F8: variants seen among roughly 807,000 people sequenced by gnomAD.
F8 encodes the protein antihemophilic factor.
F8 carries 12 observed loss-of-function variants against 140.6 expected under a neutral mutation model. The observed-to-expected ratio is 0.09, with a 90% confidence interval of 0.05 to 0.14. F8 has a LOEUF of 0.14. F8 is among the 10% of genes least tolerant of loss of function. The pLI, the probability that F8 is intolerant of heterozygous loss-of-function variation, is 1.00. For synonymous variants in F8, 585 were observed against 614.6 expected (o/e 0.95, Z 0.71); for missense variants, 1,354 against 1,720.7 (o/e 0.79, Z 3.77).
intron 14 of F8, among the ~76,000 whole-genome samples, chrX:154,926,682 G>T (rs1411577086): frequency 8.9e-6 from 1 of 111,874 alleles, no homozygotes; most frequent in African/African-American, 3.3e-5. Flanking sequence ...GGCCAGGAAT[G>T]GTTTTTGATT....
At chrX:154,957,696 G>A (rs1388420744) in intron 10 of F8, among the ~76,000 whole-genome samples, 1 of 109,994 alleles carries the variant, frequency 9.1e-6, no homozygotes, top group African/African-American at 3.3e-5. Flanking sequence ...GACCAGCCTG[G>A]TCAACATGGT....
At chrX:154,895,732 GC>G (rs2072975237) in intron 22 of F8, among the ~76,000 whole-genome samples, 1 of 111,361 alleles carries the variant, frequency 9.0e-6, no homozygotes, top group South Asian at 3.8e-4. Flanking sequence ...CCATGGTTTT[GC>G]CCCCTAAACT....
chrX:154,929,632 C>T lies in F8; in HGVS notation c.4158G>A (p.Gln1386=). 8.3e-7 allele frequency: 1 copy of T among 1,210,181 alleles called. No individual in the cohort carries two copies. The highest frequency in any genetic ancestry group is 1.1e-6 in the Non-Finnish European group (1 of 894,369). ...TCGTAAGGCAATCTGATAAGGGAGA[C>T]TGAGTAATGGCCCCTTTCTCCTTCT... is the stretch of plus-strand genomic sequence containing the variant. ...YNEKEKGAIT[Q]SPLSDCLTRS... Residue 1386 remains glutamine (Q), a synonymous_variant, in exon 14 of 26, where the codon CAG becomes CAA. Transcript: ENST00000360256.
chrX:154,873,228 CTTTTTTT>C (rs1190861463), intron 22 of F8, among the ~76,000 whole-genome samples: 4 of 96,914 alleles, frequency 4.1e-5, no homozygotes, highest in African/African-American at 1.5e-4. Flanking sequence ...GCAAAGCAAT[CTTTTTTT>C]TTTTTTTTTG....
At position 154,904,893 on chromosome X, in the gene F8, A is replaced by G; in HGVS notation, c.5504T>C (p.Phe1835Ser). The G allele has an allele frequency of 8.3e-7, 1 of 1,210,889 alleles. No individual in the cohort carries two copies. The highest frequency in any genetic ancestry group is 1.1e-6 in the Non-Finnish European group (1 of 895,048). The change falls in exon 16 of 26, where the codon TTT becomes TCT. Residue 1835 changes from phenylalanine (F) to serine (S), a missense_variant. Phe to Ser is a radical substitution (Grantham distance 155). Coordinates refer to ENST00000360256, the MANE Select transcript of F8 (RefSeq NM_000132.4). Reference sequence around the variant, plus strand: ...TGCCATATGATGTTGCACTTTCCAAAAGTAAGTTTTGGTTTCATTAGGCTT... The same window carrying G: ...TGCCATATGATGTTGCACTTTCCAAGAGTAAGTTTTGGTTTCATTAGGCTT... ...FVKPNETKTY[F>S]WKVQHHMAPT...
At chrX:154,858,086 C>G (rs1354918175) in intron 25 of F8, among the ~76,000 whole-genome samples, 1 of 112,144 alleles carries the variant, frequency 8.9e-6, no homozygotes, top group Non-Finnish European at 1.9e-5. Flanking sequence ...TTGCAGTGAG[C>G]TGAGATTGTG....
chrX:154,850,286 G>A (rs1412472867), intron 25 of F8, among the ~76,000 whole-genome samples: 2 of 109,497 alleles, frequency 1.8e-5, no homozygotes, highest in African/African-American at 6.6e-5. Flanking sequence ...ATGCCAGCAT[G>A]TCCAGCTAAT....
chrX:154,845,302 C>T (rs1412503096), intron 25 of F8, among the ~76,000 whole-genome samples: 1 of 111,729 alleles, frequency 9.0e-6, no homozygotes, highest in Middle Eastern at 4.2e-3. Context: ...TGATGCTGGC[C>T]TCATAAAATG....
chrX:154,948,869 A>G (rs2073322027), intron 12 of F8, among the ~76,000 whole-genome samples: 1 of 112,366 alleles, frequency 8.9e-6, no homozygotes, highest in African/African-American at 3.2e-5. Flanking sequence ...TTGAGATATT[A>G]TAAAGCTATT....
At chrX:155,009,148 G>A (rs1397164654) in intron 1 of F8, among the ~76,000 whole-genome samples, 2 of 107,587 alleles carry the variant, frequency 1.9e-5, no homozygotes, top group Non-Finnish European at 3.9e-5. Flanking sequence ...GGACTGCAGT[G>A]GCGCAATCTC....
At chrX:154,976,546 G>A (rs1398295344) in intron 6 of F8, among the ~76,000 whole-genome samples, 1 of 110,019 alleles carries the variant, frequency 9.1e-6, no homozygotes, top group African/African-American at 3.3e-5. Flanking sequence ...CTAGCATTAG[G>A]TATATCTCCT....
At chrX:154,989,616 G>A (rs2073576917) in intron 4 of F8, among the ~76,000 whole-genome samples, 1 of 111,878 alleles carries the variant, frequency 8.9e-6, no homozygotes, top group East Asian at 2.8e-4. Flanking sequence ...TAATGATGTT[G>A]AACATCTTTT....
intron 6 of F8, among the ~76,000 whole-genome samples, chrX:154,969,865 T>C (rs1603435430): frequency 8.9e-6 from 1 of 111,977 alleles, no homozygotes; most frequent in East Asian, 2.8e-4. Flanking sequence ...TTCTCCTACT[T>C]CTCAGACTGC....
chrX:154,902,039 A>G lies in F8; in HGVS notation c.6115+12T>C, dbSNP rs201528579. The G allele has an allele frequency of 5.3e-5, 60 of 1,132,834 alleles. No individual in the cohort carries two copies. Among genetic ancestry groups the G allele is most frequent in the Non-Finnish European group, 6.9e-5 (57 of 824,706 alleles). 93.4% of individuals were successfully genotyped at this position (1,132,834 alleles called of 1,213,427 possible). A position where few individuals can be genotyped will look rare whatever the true frequency, so the allele number is the denominator to read the frequency against. On this transcript the variant is annotated intron_variant, in intron 19 of 25. Transcript: ENST00000360256. ...GAGTAGGTAGGGAACCTCTGCCCAC[A>G]TTGCTACTCACTATTGCTGTACACC...
intron 25 of F8, among the ~76,000 whole-genome samples, chrX:154,849,402 T>A (rs2072596506): frequency 9.0e-6 from 1 of 111,295 alleles, no homozygotes; most frequent in Non-Finnish European, 1.9e-5. Flanking sequence ...TTTGTCTTGC[T>A]ACTTTTCTGT....
chrX:154,949,069 A>T (rs1360535781), intron 12 of F8, among the ~76,000 whole-genome samples: 3 of 111,948 alleles, frequency 2.7e-5, no homozygotes, highest in Non-Finnish European at 5.6e-5. Context: ...AGAAAATATG[A>T]CTATCCACTT....
intron 25 of F8, among the ~76,000 whole-genome samples, chrX:154,851,578 G>GT (rs1206462189): frequency 1.0e-3 from 107 of 104,906 alleles, no homozygotes; most frequent in South Asian, 8.5e-3. Context: ...TTTTGTTTTT[G>GT]TTTTTTTTTT....
chrX:154,842,761 C>T (rs1442323046), intron 25 of F8, among the ~76,000 whole-genome samples: 2 of 111,768 alleles, frequency 1.8e-5, no homozygotes, highest in African/African-American at 6.5e-5. Flanking sequence ...TAACATGTTT[C>T]CTTTGTGTGC....
At chrX:154,909,064 T>C (rs1206931592) in intron 14 of F8, 2 of 270,785 alleles carry the variant, frequency 7.4e-6, no homozygotes, top group Non-Finnish European at 1.4e-5. Flanking sequence ...ACAAGCCATA[T>C]TGCCATGATA....
Sources: gnomAD v4.1 joint callset for allele counts (sites outside exome capture counted in the v4.1 genomes callset) on GRCh38, gnomAD v4.1.1 for gene constraint, MANE v1.5 for transcripts, NCBI Gene and HGNC (gene_info 2026-07-23, HGNC 2026-07-21) for gene names.